PLXDC2: variants seen among roughly 807,000 people sequenced by gnomAD.
The protein encoded by PLXDC2 is plexin domain-containing protein 2.
In PLXDC2, 40 loss-of-function variants were observed where a neutral mutation model predicts 68.9. The observed-to-expected ratio is 0.58, with a 90% CI of 0.45 to 0.76. The LOEUF (loss-of-function observed/expected upper bound fraction) is 0.76. Among genes scored for constraint, PLXDC2 ranks in the 30% least tolerant of loss-of-function variants. The pLI is 0.00. For missense variants in PLXDC2, 644 were observed against 661.9 expected, an observed-to-expected ratio of 0.97 and a Z score of 0.30; for synonymous variants, 243 against 234.2, an observed-to-expected ratio of 1.04 and a Z score of -0.34.
chr10:20,251,806 T>G (rs1320090014), intron 13 of PLXDC2, among the ~76,000 whole-genome samples: 1 of 152,114 alleles, frequency 6.6e-6, no homozygotes, highest in African/African-American at 2.4e-5. Context: ...TATACATAAA[T>G]AATTGCTAGT....
rs530130120 is a variant in PLXDC2 at position 20,238,662 on chromosome 10, A to T, written c.1313-6683A>T. ...CAGAGAAAGACTCCATCTCAAAAAAAATATATATATATATGTATATATATA... is the reference window on the plus strand; with the variant it reads ...CAGAGAAAGACTCCATCTCAAAAAATATATATATATATATGTATATATATA... On this transcript the variant is annotated intron_variant, in intron 12 of 13. Transcript: ENST00000377252. Among the ~76,000 whole-genome samples, 54 of 31,752 alleles carry T rather than the reference A, an allele frequency of 1.7e-3. 2 individuals are homozygous for T. In the South Asian group the frequency reaches 0.018, roughly 10 times the overall value. The allele number at this position is 31,752 out of a possible 152,430, so 20.8% of individuals were successfully genotyped here.
intron 1 of PLXDC2, among the ~76,000 whole-genome samples, chr10:19,854,839 C>T (rs1486283985): frequency 1.3e-5 from 2 of 152,186 alleles, no homozygotes; most frequent in African/African-American, 4.8e-5. Context: ...GGAGTAGACA[C>T]ACATCTGTGA....
chr10:20,192,711 TA>T (rs1834783076), intron 9 of PLXDC2, among the ~76,000 whole-genome samples: 1 of 152,026 alleles, frequency 6.6e-6, no homozygotes, highest in Non-Finnish European at 1.5e-5. Context: ...AAAGAGAGAA[TA>T]ATCTTTGATG....
intron 1 of PLXDC2, among the ~76,000 whole-genome samples, chr10:19,831,439 A>C (rs1302499788): frequency 6.6e-6 from 1 of 151,570 alleles, no homozygotes; most frequent in African/African-American, 2.4e-5. Flanking sequence ...TTGTTTTTTT[A>C]ACTTTTATTT....
At chr10:20,232,755 G>T (rs1000188272) in intron 12 of PLXDC2, among the ~76,000 whole-genome samples, 2 of 152,190 alleles carry the variant, frequency 1.3e-5, no homozygotes, top group Non-Finnish European at 2.9e-5. Context: ...TGTAGGTGGA[G>T]ACAAGAGAAC....
chr10:20,250,552 A>G (rs1313297104), intron 13 of PLXDC2, among the ~76,000 whole-genome samples: 1 of 152,174 alleles, frequency 6.6e-6, no homozygotes, highest in Non-Finnish European at 1.5e-5. Flanking sequence ...GGCCTTAAGT[A>G]AGTTCTCAAC....
intron 9 of PLXDC2, among the ~76,000 whole-genome samples, chr10:20,203,665 C>T (rs1368300913): frequency 6.6e-6 from 1 of 151,764 alleles, no homozygotes; most frequent in Non-Finnish European, 1.5e-5. Context: ...ATAAAAGTCC[C>T]TGATGTTGTT....
chr10:19,877,892 GAGTA>G (rs1837662025), intron 1 of PLXDC2, among the ~76,000 whole-genome samples: 1 of 152,170 alleles, frequency 6.6e-6, no homozygotes, highest in African/African-American at 2.4e-5. Context: ...TGCATCAATG[GAGTA>G]GCATGTCCTA....
intron 12 of PLXDC2, among the ~76,000 whole-genome samples, chr10:20,222,580 A>G (rs763454003): frequency 6.6e-6 from 1 of 152,218 alleles, no homozygotes; most frequent in Non-Finnish European, 1.5e-5. Context: ...ATAATCTGGA[A>G]AAAGGAACAT....
In PLXDC2 at chr10:20,146,487, T is replaced by TCC. The variant is rs1834081143; in HGVS notation, c.665-1297_665-1296insCC. Among the ~76,000 whole-genome samples, 63 of 40,362 alleles carry TCC rather than the reference T, an allele frequency of 1.6e-3. 1 individual carries two copies. The highest frequency in any genetic ancestry group is 4.3e-3 in the African/African-American group (51 of 11,998). The allele number at this position is 40,362 out of a possible 152,430, so 26.5% of individuals were successfully genotyped here. ...CCTTCCTTTCTTTCTTTTCTTTTCT[T>TCC]TTTCCTTCCTTCCTTCCTTCCTTCC... On this transcript the variant is annotated intron_variant, in intron 5 of 13. Coordinates refer to ENST00000377252, the MANE Select transcript of PLXDC2 (RefSeq NM_032812.9).
intron 6 of PLXDC2, among the ~76,000 whole-genome samples, chr10:20,156,180 G>T (rs1227428990): frequency 6.6e-6 from 1 of 152,120 alleles, no homozygotes; most frequent in Non-Finnish European, 1.5e-5. Context: ...ATCCACACCA[G>T]AGTCTTGACT....
chr10:20,051,632 G>A (rs1835903303), intron 3 of PLXDC2, among the ~76,000 whole-genome samples: 3 of 151,806 alleles, frequency 2.0e-5, no homozygotes, highest in South Asian at 4.2e-4. Context: ...TTTCATGCAA[G>A]GCTGACTCAG....
intron 6 of PLXDC2, among the ~76,000 whole-genome samples, chr10:20,157,665 C>G (rs546243212): frequency 1.3e-5 from 2 of 152,224 alleles, no homozygotes; most frequent in South Asian, 4.1e-4. Context: ...GTGCTCTGCT[C>G]TACTATTTTT....
chr10:19,849,730 A>G (rs964019681), intron 1 of PLXDC2, among the ~76,000 whole-genome samples: 2 of 152,140 alleles, frequency 1.3e-5, no homozygotes, highest in Non-Finnish European at 2.9e-5. Context: ...CTCAGTCTCC[A>G]TTATGTTCTT....
chr10:20,051,221 C>T (rs948242479), intron 3 of PLXDC2, among the ~76,000 whole-genome samples: 9 of 151,218 alleles, frequency 6.0e-5, no homozygotes, highest in Non-Finnish European at 1.0e-4. Flanking sequence ...AAACAGACGC[C>T]GGAGTCTACT....
intron 12 of PLXDC2, among the ~76,000 whole-genome samples, chr10:20,225,860 T>C (rs1046603033): frequency 2.0e-5 from 3 of 152,176 alleles, no homozygotes; most frequent in African/African-American, 7.2e-5. Context: ...TGATAATAAA[T>C]GGTCTGATTC....
chr10:20,027,147 A>G (rs1231150744), intron 2 of PLXDC2, among the ~76,000 whole-genome samples: 1 of 151,314 alleles, frequency 6.6e-6, no homozygotes, highest in South Asian at 2.1e-4. Context: ...ATGTAGACAC[A>G]CCCAATTTAA....
At chr10:19,889,221 A>T (rs1264780002) in intron 1 of PLXDC2, among the ~76,000 whole-genome samples, 5 of 151,946 alleles carry the variant, frequency 3.3e-5, no homozygotes, top group South Asian at 2.1e-4. Context: ...TATATATATA[A>T]AATTATTTTT....
At chr10:19,935,261 G>A (rs12258421) in intron 1 of PLXDC2, among the ~76,000 whole-genome samples, 22,284 of 152,130 alleles carry the variant, frequency 0.15, 2,163 homozygotes, top group African/African-American at 0.26. Flanking sequence ...GTGCTTCTGC[G>A]CCTGGCTTTG....
Sources: gnomAD v4.1 joint callset for allele counts (sites outside exome capture counted in the v4.1 genomes callset) on GRCh38, gnomAD v4.1.1 for gene constraint, MANE v1.5 for transcripts, NCBI Gene and HGNC (gene_info 2026-07-23, HGNC 2026-07-21) for gene names.